NFIC: variants seen among roughly 807,000 people sequenced by gnomAD.
NFIC encodes nuclear factor 1 C-type.
A neutral mutation model predicts 54.4 loss-of-function variants in NFIC; 12 were observed. The ratio of observed to expected loss-of-function variants is 0.22; its 90% confidence interval spans 0.14 to 0.36. NFIC has a LOEUF of 0.36. NFIC is among the 10% of genes least tolerant of loss of function. The pLI, the probability that NFIC is intolerant of heterozygous loss-of-function variation, is 1.00. For synonymous variants in NFIC, 322 were observed against 319.2 expected, an observed-to-expected ratio of 1.01 and a Z score of -0.09; for missense variants, 575 against 718.2, an observed-to-expected ratio of 0.80 and a Z score of 2.28.
intron 2 of NFIC, among the ~76,000 whole-genome samples, chr19:3,422,304 C>T (rs1394853373): frequency 6.6e-6 from 1 of 151,746 alleles, no homozygotes; most frequent in Non-Finnish European, 1.5e-5. Context: ...GAACTCCTGG[C>T]CTCAAGCGAT....
intron 10 of NFIC, 49 bp from the exon 11 acceptor site, chr19:3,462,703 T>A (rs1293549885): frequency 1.9e-6 from 3 of 1,602,892 alleles, no homozygotes; most frequent in Non-Finnish European, 2.6e-6. Flanking sequence ...CCCCTCGACT[T>A]CTCTCCCTTT....
Position 3,433,591 on chromosome 19 carries a change from G to A in NFIC, c.708G>A (p.Arg236=). 1 of 1,613,780 alleles carries A rather than the reference G, an allele frequency of 6.2e-7. No homozygotes were observed. Among genetic ancestry groups the A allele is most frequent in the South Asian group, 1.1e-5 (1 of 91,080 alleles). The part of the protein sequence containing the change: ...FSVTELIQVS[R]TPVVTGTGPN... The stretch of plus-strand genomic sequence containing the variant: ...TCACTGAGCTCATCCAAGTGTCCCG[G>A]AGTGAGTGTTCCCGTCAGCCCTGAG... Residue 236 remains arginine, a splice_region_variant and synonymous_variant, in exon 4 of 11, where the codon CGG becomes CGA. Transcript: ENST00000443272.
At chr19:3,366,873 C>T (rs561546162) in intron 1 of NFIC, among the ~76,000 whole-genome samples, 2 of 152,028 alleles carry the variant, frequency 1.3e-5, no homozygotes, top group South Asian at 4.1e-4. Flanking sequence ...CTACCGCGGA[C>T]CCCCTACGCG....
At chr19:3,363,236 T>TGTGC (rs1555736618), upstream of NFIC, among the ~76,000 whole-genome samples, 1,851 of 63,736 alleles carry the variant, frequency 0.029, 56 homozygotes, top group South Asian at 0.068. Flanking sequence ...TATGTGTATG[T>TGTGC]GTGTGTATAT....
chr19:3,377,231 G>C (rs1298124331), intron 1 of NFIC, among the ~76,000 whole-genome samples: 1 of 149,674 alleles, frequency 6.7e-6, no homozygotes, highest in East Asian at 2.0e-4. Flanking sequence ...CTATTCAGGA[G>C]GCTGAGGCAG....
rs760636957 is a variant in NFIC, at chr19:3,447,958, G to T, written c.959-1056G>T. ...TCATTCTTGTTGCCTGGGCTGGAGT[G>T]CAATGGCGTGATCTCGGCCCACTGC... is the stretch of plus-strand genomic sequence containing the variant. On this transcript the variant is annotated intron_variant, in intron 6 of 10. Transcript: ENST00000443272. 5.9e-5 allele frequency among the ~76,000 whole-genome samples: 9 copies of T among 152,376 alleles called. No individual in the cohort carries two copies. In the South Asian group the frequency reaches 1.7e-3, roughly 28 times the overall value.
chr19:3,439,841 AC>A (rs1182547470), intron 6 of NFIC, among the ~76,000 whole-genome samples: 4 of 151,224 alleles, frequency 2.6e-5, no homozygotes, highest in Non-Finnish European at 5.9e-5. Flanking sequence ...GGCACCCACC[AC>A]CATGCCCGGC....
chr19:3,362,542 T>A (rs1416494044), upstream of NFIC, among the ~76,000 whole-genome samples: 2 of 152,128 alleles, frequency 1.3e-5, no homozygotes, highest in East Asian at 3.9e-4. Flanking sequence ...TCTTTGTGTA[T>A]GTAGCTGTGT....
chr19:3,460,022 AG>A lies in NFIC; in HGVS notation c.1510-2726del, dbSNP rs149210833. 2.5e-3 allele frequency among the ~76,000 whole-genome samples: 383 copies of A among 152,330 alleles called. 2 individuals carry two copies. The highest frequency in any genetic ancestry group is 8.8e-3 in the African/African-American group (364 of 41,572). ...GGGTTGGAGTTTGCGTTTCCAGGGC[AG>A]GGGTCTGGACAGCAGCTTCTCTGCA... On this transcript the variant is annotated intron_variant, in intron 10 of 10. Transcript: ENST00000443272.
At chr19:3,455,398 G>A (rs1207571378) in intron 9 of NFIC, among the ~76,000 whole-genome samples, 1 of 151,226 alleles carries the variant, frequency 6.6e-6, no homozygotes, top group Non-Finnish European at 1.5e-5. Flanking sequence ...GTGGGATTAT[G>A]CCCAGTGCCT....
intron 10 of NFIC, among the ~76,000 whole-genome samples, chr19:3,462,460 C>T (rs138807818): frequency 2.2e-4 from 33 of 152,262 alleles, no homozygotes; most frequent in African/African-American, 7.0e-4. Context: ...GTAAGTATAT[C>T]CCCAATGTTG....
In NFIC at chr19:3,453,679, C is replaced by T. The variant is rs1173225285; in HGVS notation, c.1270-84C>T. The T allele has an allele frequency of 6.7e-7, 1 of 1,498,838 alleles. No homozygotes were observed. The highest frequency in any genetic ancestry group is 8.9e-7 in the Non-Finnish European group (1 of 1,129,204). The allele number at this position is 1,498,838 out of a possible 1,614,324, so 92.8% of individuals were successfully genotyped here. ...AGCCTGCCACCCCGTCCGGGCCGTG[C>T]ACAGAGCCGGGGGCGGCCGGCGCCA... On this transcript the variant is annotated intron_variant, in intron 8 of 10. Coordinates refer to ENST00000443272, the MANE Select transcript of NFIC (RefSeq NM_001245002.2). This position sits in a 1 kb window ranked among gnomAD's most constrained non-coding sequence, Gnocchi z 6.7.
At chr19:3,394,390 A>G (rs376753888) in intron 2 of NFIC, among the ~76,000 whole-genome samples, 1 of 151,924 alleles carries the variant, frequency 6.6e-6, no homozygotes, top group African/African-American at 2.4e-5. Context: ...TGAGGTGGGA[A>G]GATCGCTTGA....
chr19:3,448,155 C>T (rs904994656), intron 6 of NFIC, among the ~76,000 whole-genome samples: 1 of 152,184 alleles, frequency 6.6e-6, no homozygotes, highest in Non-Finnish European at 1.5e-5. Flanking sequence ...TCACTGCAAC[C>T]TCTGCCTCCT....
intron 6 of NFIC, among the ~76,000 whole-genome samples, chr19:3,438,184 AAAAG>A (rs1003495680): frequency 2.0e-5 from 3 of 152,188 alleles, no homozygotes; most frequent in Admixed American, 2.0e-4. Flanking sequence ...AGAAAACTCA[AAAAG>A]AAAACATTTT....
At chr19:3,360,787 G>A (rs1250247778) in intron 1 of NFIC, among the ~76,000 whole-genome samples, 2 of 152,340 alleles carry the variant, frequency 1.3e-5, no homozygotes, top group Non-Finnish European at 2.9e-5. Context: ...GCGTGTCCGC[G>A]GAGCCGCGTG....
chr19:3,366,755 A>C, intron 1 of NFIC, 89 bp downstream of exon 1: 1 of 967,796 alleles, frequency 1.0e-6, no homozygotes, highest in Non-Finnish European at 1.4e-6. Flanking sequence ...GCGGGACGAA[A>C]AAGGCGCGCG....
At chr19:3,445,020 C>CAGGCATACA (rs1373765501) in intron 6 of NFIC, among the ~76,000 whole-genome samples, 10 of 149,512 alleles carry the variant, frequency 6.7e-5, no homozygotes, top group African/African-American at 2.6e-4. Flanking sequence ...GACACGTGCA[C>CAGGCATACA]AGGCATACAC....
rs2082695671 is a variant in NFIC, at chr19:3,464,864, C to A, written c.*2095C>A. On this transcript the variant is annotated 3_prime_UTR_variant, in exon 11 of 11. Coordinates refer to ENST00000443272, the MANE Select transcript of NFIC (RefSeq NM_001245002.2). ...TGGGGATCAAAGCGTGGGCCGCTCT[C>A]CGGGAGGGCGGGCGGGGGAGGGGGT... 3.9e-6 allele frequency: 1 copy of A among 257,682 alleles called. No homozygotes were observed. Among genetic ancestry groups the A allele is most frequent in the African/African-American group, 2.3e-5 (1 of 43,130 alleles). The allele number at this position is 257,682 out of a possible 1,614,324, so 16.0% of individuals were successfully genotyped here.
Sources: allele counts gnomAD v4.1 joint callset (sites outside exome capture counted in the v4.1 genomes callset), GRCh38; gene constraint gnomAD v4.1.1; non-coding constraint Gnocchi (gnomAD v3.1); transcripts MANE v1.5; gene names NCBI Gene and HGNC (gene_info 2026-07-23, HGNC 2026-07-21).